The following CACHD1 variants were observed in gnomAD, a reference collection of about 807,000 sequenced individuals.
The protein encoded by CACHD1 is VWFA and cache domain-containing protein 1.
A neutral mutation model predicts 138.7 loss-of-function variants in CACHD1; 71 were observed. That is an observed-to-expected ratio of 0.51 (90% CI 0.42 to 0.62). The LOEUF (loss-of-function observed/expected upper bound fraction) is 0.62. Among genes scored for constraint, CACHD1 ranks in the 20% least tolerant of loss-of-function variants. The pLI, the probability that CACHD1 is intolerant of heterozygous loss-of-function variation, is 0.00. For synonymous variants in CACHD1, 578 were observed against 591.5 expected (o/e 0.98, Z 0.33); for missense variants, 1,389 against 1,625.3 (o/e 0.85, Z 2.50).
chr1:64,645,540 G>A (rs1255342793), intron 8 of CACHD1, among the ~76,000 whole-genome samples: 3 of 152,098 alleles, frequency 2.0e-5, no homozygotes, highest in Admixed American at 2.0e-4. Context: ...GGAGAAACTG[G>A]GAGAAACTGT....
At chr1:64,676,120 A>G in intron 21 of CACHD1, 137 bp downstream of exon 21, 1 of 306,510 alleles carries the variant, frequency 3.3e-6, no homozygotes, top group Non-Finnish European at 5.8e-6. Flanking sequence ...TGATAGAACT[A>G]ACTGTTCAGT....
chr1:64,496,817 G>A (rs541799327), intron 1 of CACHD1, among the ~76,000 whole-genome samples: 2 of 150,414 alleles, frequency 1.3e-5, no homozygotes, highest in African/African-American at 2.5e-5. Context: ...ACTCGTGCAT[G>A]GAAGCCCAAT....
intron 26 of CACHD1, among the ~76,000 whole-genome samples, chr1:64,685,737 C>T (rs2100746826): frequency 6.6e-6 from 1 of 151,908 alleles, no homozygotes; most frequent in South Asian, 2.1e-4. Flanking sequence ...ACTCGGGAGA[C>T]TGAGGTGGGA....
chr1:64,591,029 T>G (rs115868244), intron 3 of CACHD1, among the ~76,000 whole-genome samples: 359 of 152,328 alleles, frequency 2.4e-3, no homozygotes, highest in African/African-American at 7.9e-3. Context: ...TGTTTGGTTG[T>G]TTGTTTGTTT....
intron 8 of CACHD1, among the ~76,000 whole-genome samples, chr1:64,645,555 GA>G (rs897218128): frequency 1.8e-4 from 27 of 151,042 alleles, no homozygotes; most frequent in Admixed American, 5.9e-4. Context: ...AACTGTGGGA[GA>G]AAAAAAAATA....
chr1:64,635,762 C>T (rs1017887315), intron 7 of CACHD1, among the ~76,000 whole-genome samples: 1 of 152,044 alleles, frequency 6.6e-6, no homozygotes, highest in African/African-American at 2.4e-5. Context: ...TGAAATGGGG[C>T]TCATGCTTTG....
Position 64,652,190 on chromosome 1 carries a change from T to TA in CACHD1, c.1421dup (p.Tyr474Ter). The change falls in exon 10 of 27, where the codon TAT (tyrosine) becomes TAAT (stop). Residue 474 changes from tyrosine (Y) to a stop codon, truncating the protein, a stop_gained and frameshift_variant. Coordinates refer to ENST00000651257, the MANE Select transcript of CACHD1 (RefSeq NM_020925.4). LOFTEE classifies it high-confidence loss of function. ...GATAATGACTGTGAGTAAACCCTGT[T>TA]ATTTTGGAAACCTACTTCTGGGAAT... ...GLIMTVSKPC[Y>*]FGNLLLGIVG... The TA allele has an allele frequency of 6.2e-7, 1 of 1,612,564 alleles. No homozygotes were observed. Among genetic ancestry groups the TA allele is most frequent in the Non-Finnish European group, 8.5e-7 (1 of 1,179,552 alleles).
intron 26 of CACHD1, among the ~76,000 whole-genome samples, chr1:64,685,519 G>A (rs1650338883): frequency 6.6e-6 from 1 of 152,064 alleles, no homozygotes; most frequent in South Asian, 2.1e-4. Context: ...AGGAGATAGG[G>A]TAAAGCCAGT....
In CACHD1 at chr1:64,483,875, CTT is replaced by C. The variant is rs1449229905; in HGVS notation, c.198+12934_198+12935del. ...CTTATCTTTTACCTTCCCCCCCCCC[CTT>C]GCATATAACTCTGTTCTTTCAGCAC... On this transcript the variant is annotated intron_variant, in intron 1 of 26. Coordinates refer to ENST00000651257, the MANE Select transcript of CACHD1 (RefSeq NM_020925.4). Among the ~76,000 whole-genome samples, 161 of 113,712 alleles carry C rather than the reference CTT, an allele frequency of 1.4e-3. 1 individual carries two copies. The highest frequency in any genetic ancestry group is 0.011 in the Admixed American group (114 of 10,068). 74.6% of individuals were successfully genotyped at this position (113,712 alleles called of 152,430 possible).
chr1:64,548,555 G>T (rs1646735227), intron 1 of CACHD1, among the ~76,000 whole-genome samples: 1 of 152,182 alleles, frequency 6.6e-6, no homozygotes, highest in Non-Finnish European at 1.5e-5. Context: ...GGAGAGGTCT[G>T]TGGGTTCTTA....
chr1:64,622,791 A>G (rs17126785), intron 4 of CACHD1, among the ~76,000 whole-genome samples: 6,046 of 152,270 alleles, frequency 0.04, 385 homozygotes, highest in African/African-American at 0.14. Context: ...GTAGTACACC[A>G]TATGTGAAAC....
At chr1:64,532,123 G>C (rs1646592050) in intron 1 of CACHD1, among the ~76,000 whole-genome samples, 1 of 152,132 alleles carries the variant, frequency 6.6e-6, no homozygotes, top group South Asian at 2.1e-4. Context: ...AAAATTAAGG[G>C]AGTCTTAATG....
At chr1:64,586,006 G>A (rs1164212563) in intron 3 of CACHD1, among the ~76,000 whole-genome samples, 2 of 152,300 alleles carry the variant, frequency 1.3e-5, no homozygotes, top group East Asian at 3.9e-4. Flanking sequence ...CTCAGAAAGT[G>A]CTTTATCTGC....
At chr1:64,573,573 A>G (rs1646943170) in intron 2 of CACHD1, among the ~76,000 whole-genome samples, 1 of 152,214 alleles carries the variant, frequency 6.6e-6, no homozygotes, top group South Asian at 2.1e-4. Context: ...TGAACCAGAT[A>G]TGAGTAATAG....
intron 1 of CACHD1, among the ~76,000 whole-genome samples, chr1:64,544,203 C>G (rs1646700610): frequency 6.6e-6 from 1 of 152,102 alleles, no homozygotes; most frequent in Admixed American, 6.5e-5. Context: ...AGAGAATAAG[C>G]TTTTGAATAA....
At chr1:64,512,036 G>T (rs570342949) in intron 1 of CACHD1, among the ~76,000 whole-genome samples, 1 of 152,120 alleles carries the variant, frequency 6.6e-6, no homozygotes, top group East Asian at 1.9e-4. Flanking sequence ...ACTCTATGAG[G>T]TAGAAATTAT....
intron 1 of CACHD1, among the ~76,000 whole-genome samples, chr1:64,472,525 TAGATAAGCTTTTA>T (rs1646151892): frequency 1.3e-5 from 2 of 152,356 alleles, no homozygotes; most frequent in South Asian, 4.1e-4. Flanking sequence ...TGCATAATAA[TAGATAAGCTTTTA>T]AGATGCATCA....
chr1:64,660,688 GC>G (rs1649414514), intron 13 of CACHD1, among the ~76,000 whole-genome samples: 1 of 151,776 alleles, frequency 6.6e-6, no homozygotes, highest in African/African-American at 2.4e-5. Flanking sequence ...GCACCACCAC[GC>G]CCGGCTAATT....
intron 1 of CACHD1, among the ~76,000 whole-genome samples, chr1:64,502,323 A>G (rs1646344910): frequency 6.6e-6 from 1 of 152,236 alleles, no homozygotes; most frequent in African/African-American, 2.4e-5. Flanking sequence ...ACAGTTATTT[A>G]GACAGAGCTG....
Sources: gnomAD v4.1 joint callset for allele counts (sites outside exome capture counted in the v4.1 genomes callset) on GRCh38, gnomAD v4.1.1 for gene constraint, MANE v1.5 for transcripts, NCBI Gene and HGNC (gene_info 2026-07-23, HGNC 2026-07-21) for gene names.